Variants in CISTR observed in about 807,000 individuals in gnomAD.
CISTR encodes the protein chondrogenesis-associated transcript.
At chr12:53,749,249 GAGAA>G (rs1937817545) in intron 2 of CISTR, among the ~76,000 whole-genome samples, 1 of 151,918 alleles carries the variant, frequency 6.6e-6, no homozygotes, top group Admixed American at 6.6e-5. Flanking sequence ...AGGACAGTCA[GAGAA>G]AGACAGAGGT....
rs569388318 is a variant in CISTR at position 53,751,581 on chromosome 12, C to T, written n.415-616G>A. Among the ~76,000 whole-genome samples, 1 of 152,278 alleles carries T rather than the reference C, an allele frequency of 6.6e-6. No homozygotes were observed. The highest frequency in any genetic ancestry group is 1.9e-4 in the East Asian group (1 of 5,158). The stretch of plus-strand genomic sequence containing the variant: ...GGCCCTCAGCCTCCTCCGCGCGGCG[C>T]GGACTCATTACGGCTGCAGCCAATT... On this transcript the variant is annotated intron_variant and non_coding_transcript_variant, in intron 1 of 2. Transcript: ENST00000669269. This position sits in a 1 kb window ranked among gnomAD's most constrained non-coding sequence, Gnocchi z 4.6.
At chr12:53,753,083 CACACACAGAGA>C (rs1937876613) in intron 1 of CISTR, among the ~76,000 whole-genome samples, 1 of 124,846 alleles carries the variant, frequency 8.0e-6, no homozygotes, top group Non-Finnish European at 1.9e-5. Flanking sequence ...CACACACACA[CACACACAGAGA>C]GAGACACACG....
At chr12:53,748,643 C>T (rs1200575364) in intron 2 of CISTR, among the ~76,000 whole-genome samples, 1 of 152,120 alleles carries the variant, frequency 6.6e-6, no homozygotes, top group African/African-American at 2.4e-5. Flanking sequence ...GTCACGGACA[C>T]AGAGGCATGA....
exon 3 of CISTR, among the ~76,000 whole-genome samples, chr12:53,746,473 C>T (rs1371765001): frequency 6.6e-6 from 1 of 152,048 alleles, no homozygotes; most frequent in South Asian, 2.1e-4. Flanking sequence ...GGGAATGTCA[C>T]GGAGGAGCGT....
chr12:53,753,087 CACAG>C lies in CISTR; in HGVS notation n.415-2126_415-2123del, dbSNP rs781594879. Reference sequence around the variant, plus strand: ...ACACACACACACACACACACACACACACAGAGAGAGACACACGTGTCCTTTGAGA... The same window carrying C: ...ACACACACACACACACACACACACACAGAGAGACACACGTGTCCTTTGAGA... On this transcript the variant is annotated intron_variant and non_coding_transcript_variant, in intron 1 of 2. Transcript: ENST00000669269. Among the ~76,000 whole-genome samples, 561 of 106,698 alleles carry C rather than the reference CACAG, an allele frequency of 5.3e-3. 2 individuals are homozygous for C. Among genetic ancestry groups the C allele is most frequent in the South Asian group, 0.011 (43 of 4,068 alleles). 70.0% of individuals were successfully genotyped at this position (106,698 alleles called of 152,430 possible).
chr12:53,751,223 C>T lies in CISTR; in HGVS notation n.415-258G>A, dbSNP rs914730428. On this transcript the variant is annotated intron_variant and non_coding_transcript_variant, in intron 1 of 2. Coordinates refer to ENST00000669269, the Ensembl canonical transcript of CISTR. The surrounding 1 kb of genome is among the most constrained non-coding windows in gnomAD (Gnocchi z 4.6). The stretch of plus-strand genomic sequence containing the variant: ...CCTGGCCTCCCTCCCGCCGCCCCTC[C>T]TCTGAGCCCTGCGGCCCGGCCTTCC... Among the ~76,000 whole-genome samples the T allele has an allele frequency of 1.3e-5, 2 of 152,236 alleles. No individual in the cohort carries two copies. The highest frequency in any genetic ancestry group is 2.9e-5 in the Non-Finnish European group (2 of 68,046).
Position 53,756,617 on chromosome 12 carries a change from G to T in CISTR, n.414+197C>A, listed in dbSNP as rs1022411897. ...GGAGAGGGCAGGTAACCTGCTCAAG[G>T]TTATGTATGTAAGTGGTGAGCTGGT... On this transcript the variant is annotated intron_variant and non_coding_transcript_variant, in intron 1 of 2. Coordinates refer to ENST00000669269, the Ensembl canonical transcript of CISTR. The surrounding 1 kb of genome is among the most constrained non-coding windows in gnomAD (Gnocchi z 4.0). Among the ~76,000 whole-genome samples, 1 of 152,172 alleles carries T rather than the reference G, an allele frequency of 6.6e-6. No individual in the cohort carries two copies. Among genetic ancestry groups the T allele is most frequent in the East Asian group, 1.9e-4 (1 of 5,184 alleles).
At chr12:53,748,202 C>G (rs925294869) in intron 2 of CISTR, among the ~76,000 whole-genome samples, 4 of 152,188 alleles carry the variant, frequency 2.6e-5, no homozygotes, top group African/African-American at 9.6e-5. Flanking sequence ...GACCGCGCTG[C>G]ATCCTAATCA....
At chr12:53,746,971 G>T (rs1021078403) in intron 2 of CISTR, among the ~76,000 whole-genome samples, 12 of 152,258 alleles carry the variant, frequency 7.9e-5, no homozygotes, top group African/African-American at 2.9e-4. Flanking sequence ...GTCTTCCGGA[G>T]ATTTAACACT....
Position 53,751,905 on chromosome 12 carries a change from C to T in CISTR, n.415-940G>A, listed in dbSNP as rs1937857163. 2 of 153,302 alleles carry T rather than the reference C, an allele frequency of 1.3e-5. No homozygotes were observed. Among genetic ancestry groups the T allele is most frequent in the Admixed American group, 1.3e-4 (2 of 15,284 alleles). 9.5% of individuals were successfully genotyped at this position (153,302 alleles called of 1,614,324 possible). A position where few individuals can be genotyped will look rare whatever the true frequency, so the allele number is the denominator to read the frequency against. Reference sequence around the variant, plus strand: ...CTCCCTCTCTCCTTGCGGCTGACTCCAGCTCCCCCTCGGTGCCCGTAACCC... The same window carrying T: ...CTCCCTCTCTCCTTGCGGCTGACTCTAGCTCCCCCTCGGTGCCCGTAACCC... On this transcript the variant is annotated intron_variant and non_coding_transcript_variant, in intron 1 of 2. Coordinates refer to ENST00000669269, the Ensembl canonical transcript of CISTR. The surrounding 1 kb of genome is among the most constrained non-coding windows in gnomAD (Gnocchi z 4.6).
In CISTR at chr12:53,751,517, A is replaced by G. The variant is rs1013149321; in HGVS notation, n.415-552T>C. On this transcript the variant is annotated intron_variant and non_coding_transcript_variant, in intron 1 of 2. Coordinates refer to ENST00000669269, the Ensembl canonical transcript of CISTR. The surrounding 1 kb of genome is among the most constrained non-coding windows in gnomAD (Gnocchi z 4.6). ...TGGAACGTTTTAATTAGGCCTGAACAATAAACAAGCTAAACGAGGCGCGCA... is the reference window on the plus strand; with the variant it reads ...TGGAACGTTTTAATTAGGCCTGAACGATAAACAAGCTAAACGAGGCGCGCA... Among the ~76,000 whole-genome samples, 3 of 152,056 alleles carry G rather than the reference A, an allele frequency of 2.0e-5. No homozygotes were observed. Among genetic ancestry groups the G allele is most frequent in the African/African-American group, 4.8e-5 (2 of 41,402 alleles).
At chr12:53,749,625 T>C (rs1937823674) in intron 2 of CISTR, among the ~76,000 whole-genome samples, 1 of 152,114 alleles carries the variant, frequency 6.6e-6, no homozygotes, top group South Asian at 2.1e-4. Context: ...TCCTTTAACA[T>C]AGCAGGTTTC....
rs1234733929 is a variant in CISTR at position 53,751,709 on chromosome 12, G to A, written n.415-744C>T. ...GCGGAGCGGGGGCGTCCCGGGGCGA[G>A]GGCAGCGGGCCGGTTCCCGCCCGCC... On this transcript the variant is annotated intron_variant and non_coding_transcript_variant, in intron 1 of 2. Coordinates refer to ENST00000669269, the Ensembl canonical transcript of CISTR. This position sits in a 1 kb window ranked among gnomAD's most constrained non-coding sequence, Gnocchi z 4.6. 1 of 152,150 alleles carries A rather than the reference G, an allele frequency of 6.6e-6. No homozygotes were observed. Among genetic ancestry groups the A allele is most frequent in the Non-Finnish European group, 1.5e-5 (1 of 68,124 alleles). 9.4% of individuals were successfully genotyped at this position (152,150 alleles called of 1,614,324 possible).
chr12:53,752,869 G>A (rs1217068353), intron 1 of CISTR, among the ~76,000 whole-genome samples: 1 of 152,140 alleles, frequency 6.6e-6, no homozygotes, highest in Non-Finnish European at 1.5e-5. Context: ...TAAGGGACAC[G>A]TCAACCCGCA....
chr12:53,755,498 A>G (rs1160202341), intron 1 of CISTR, among the ~76,000 whole-genome samples: 1 of 152,156 alleles, frequency 6.6e-6, no homozygotes, highest in Non-Finnish European at 1.5e-5. Context: ...AAAGTCCAGG[A>G]TCTGGCTCAA....
At chr12:53,749,011 G>T (rs1937814962) in intron 2 of CISTR, among the ~76,000 whole-genome samples, 1 of 151,702 alleles carries the variant, frequency 6.6e-6, no homozygotes, top group African/African-American at 2.4e-5. Flanking sequence ...CAGGAACCTG[G>T]CAATTCCAAG....
chr12:53,747,560 T>C (rs1937797099), intron 2 of CISTR, among the ~76,000 whole-genome samples: 1 of 152,060 alleles, frequency 6.6e-6, no homozygotes, highest in South Asian at 2.1e-4. Context: ...GATTTGATGA[T>C]TACTGGGATG....
exon 2 of CISTR, chr12:53,750,905 C>G (rs1373266530): frequency 6.5e-6 from 1 of 153,006 alleles, no homozygotes; most frequent in Non-Finnish European, 1.5e-5. Flanking sequence ...TCTCCCTCCA[C>G]TGGCTCCATC....
At chr12:53,752,786 A>C (rs1937869849) in intron 1 of CISTR, among the ~76,000 whole-genome samples, 1 of 152,164 alleles carries the variant, frequency 6.6e-6, no homozygotes, top group Non-Finnish European at 1.5e-5. Flanking sequence ...AGAAGGGAGG[A>C]CCGGGATTGG....
Sources: gnomAD v4.1 joint callset for allele counts (sites outside exome capture counted in the v4.1 genomes callset) on GRCh38, gnomAD v4.1.1 for gene constraint, Gnocchi (gnomAD v3.1) non-coding constraint, MANE v1.5 for transcripts, NCBI Gene and HGNC (gene_info 2026-07-23, HGNC 2026-07-21) for gene names.